Variants in INPP4B observed in about 807,000 individuals in gnomAD.
INPP4B encodes inositol polyphosphate 4-phosphatase type II.
Under a neutral mutation model 122.5 loss-of-function variants are expected in INPP4B, and 55 were observed. That is an observed-to-expected ratio of 0.45 (90% CI 0.36 to 0.56). The LOEUF is 0.56. Ranked by LOEUF, INPP4B falls within the 20% of genes least tolerant of loss-of-function variation. The pLI is 0.00. For missense variants in INPP4B, 1,000 were observed against 1,097.7 expected, an observed-to-expected ratio of 0.91 and a Z score of 1.26; for synonymous variants, 403 against 388.7, an observed-to-expected ratio of 1.04 and a Z score of -0.43.
chr4:142,429,243 ATTT>A, intron 4 of INPP4B, 26 bp from the exon 5 acceptor site: 1 of 1,368,180 alleles, frequency 7.3e-7, no homozygotes, highest in Non-Finnish European at 1.0e-6. Context: ...GCAAATTCAG[ATTT>A]TTAAAAAATT....
At chr4:142,771,819 A>AT (rs1197904334) in intron 1 of INPP4B, among the ~76,000 whole-genome samples, 2 of 152,010 alleles carry the variant, frequency 1.3e-5, no homozygotes, top group South Asian at 2.1e-4. Flanking sequence ...TTTTAATGTA[A>AT]TTTTTTTTCA....
chr4:142,797,763 T>C (rs1379114644), intron 1 of INPP4B, among the ~76,000 whole-genome samples: 1 of 151,918 alleles, frequency 6.6e-6, no homozygotes, highest in Non-Finnish European at 1.5e-5. Context: ...TAAGAATTTA[T>C]TGGAAAAAGA....
chr4:142,320,897 A>G lies in INPP4B; in HGVS notation c.373-6135T>C, dbSNP rs148798819. On this transcript the variant is annotated intron_variant, in intron 7 of 25. Transcript: ENST00000262992. ...TGATGGGCATTTGGGCTGGTTCTAT[A>G]TTTTTGCAATTATGAATTCTGCATT... is the stretch of plus-strand genomic sequence containing the variant. Among the ~76,000 whole-genome samples, 1,380 of 152,188 alleles carry G rather than the reference A, an allele frequency of 9.1e-3. 23 individuals are homozygous for G. Among genetic ancestry groups the G allele is most frequent in the African/African-American group, 0.031 (1,306 of 41,528 alleles).
intron 1 of INPP4B, among the ~76,000 whole-genome samples, chr4:142,771,793 G>A (rs1773114476): frequency 6.6e-6 from 1 of 152,056 alleles, no homozygotes; most frequent in East Asian, 1.9e-4. Context: ...TATTCTGCAA[G>A]GATTACTGAG....
chr4:142,388,682 A>C (rs1796720657), intron 7 of INPP4B, among the ~76,000 whole-genome samples: 1 of 152,158 alleles, frequency 6.6e-6, no homozygotes, highest in Non-Finnish European at 1.5e-5. Context: ...AGAGAGCTTT[A>C]ATTTAGTGTA....
At chr4:142,113,748 T>C (rs114779563) in intron 21 of INPP4B, among the ~76,000 whole-genome samples, 1,647 of 152,138 alleles carry the variant, frequency 0.011, 26 homozygotes, top group African/African-American at 0.037. Context: ...AATGAGTCAG[T>C]TCATGCTTTA....
chr4:142,528,273 C>T (rs746101988), intron 2 of INPP4B, among the ~76,000 whole-genome samples: 4 of 152,044 alleles, frequency 2.6e-5, no homozygotes, highest in Non-Finnish European at 5.9e-5. Context: ...GGAATTCATA[C>T]ACTTCTTATC....
intron 2 of INPP4B, among the ~76,000 whole-genome samples, chr4:142,575,138 G>GT (rs1475430538): frequency 6.6e-6 from 1 of 151,856 alleles, no homozygotes; most frequent in Non-Finnish European, 1.5e-5. Flanking sequence ...CTTAGGAAAT[G>GT]TTAACCACGT....
At chr4:142,324,634 G>A (rs1204292052) in intron 7 of INPP4B, among the ~76,000 whole-genome samples, 1 of 151,936 alleles carries the variant, frequency 6.6e-6, no homozygotes, top group African/African-American at 2.4e-5. Flanking sequence ...CTAGCCACAG[G>A]GAGACTCTGT....
intron 15 of INPP4B, among the ~76,000 whole-genome samples, chr4:142,187,011 C>T (rs909908096): frequency 6.6e-5 from 10 of 152,054 alleles, no homozygotes; most frequent in Middle Eastern, 3.4e-3. Context: ...GCAGTTTTGG[C>T]AGACCTAGCC....
chr4:142,396,350 A>G (rs1486108936), intron 7 of INPP4B, among the ~76,000 whole-genome samples: 1 of 152,124 alleles, frequency 6.6e-6, no homozygotes, highest in Non-Finnish European at 1.5e-5. Context: ...ATGGCCAGTA[A>G]GCACAGGAAA....
intron 25 of INPP4B, among the ~76,000 whole-genome samples, chr4:142,051,823 C>A (rs961810303): frequency 2.0e-5 from 3 of 151,942 alleles, no homozygotes; most frequent in Non-Finnish European, 4.4e-5. Context: ...TGTGTGCATA[C>A]ATTTAGATAT....
intron 18 of INPP4B, among the ~76,000 whole-genome samples, chr4:142,143,713 G>A (rs1809078107): frequency 6.6e-6 from 1 of 151,928 alleles, no homozygotes; most frequent in Non-Finnish European, 1.5e-5. Flanking sequence ...TCTAACTTAT[G>A]GGGAAATAAA....
At chr4:142,753,518 A>G (rs2150955194) in intron 1 of INPP4B, among the ~76,000 whole-genome samples, 1 of 152,136 alleles carries the variant, frequency 6.6e-6, no homozygotes, top group South Asian at 2.1e-4. Context: ...GAATCTCTCA[A>G]AACAAATGTG....
chr4:142,342,812 G>A lies in INPP4B; in HGVS notation c.373-28050C>T, dbSNP rs1413894514. Among the ~76,000 whole-genome samples, 3 of 152,164 alleles carry A rather than the reference G, an allele frequency of 2.0e-5. No homozygotes were observed. In the East Asian group the frequency reaches 5.8e-4, roughly 29 times the overall value. On this transcript the variant is annotated intron_variant, in intron 7 of 25. Coordinates refer to ENST00000262992, the MANE Select transcript of INPP4B (RefSeq NM_001101669.3). ...TTACTGCCTTAATCTCTGAAACGGA[G>A]CTTTATTTATTACTCTCATTTTGAT...
At chr4:142,813,162 G>C (rs1005701348) in intron 1 of INPP4B, among the ~76,000 whole-genome samples, 2 of 152,174 alleles carry the variant, frequency 1.3e-5, no homozygotes, top group Admixed American at 1.3e-4. Context: ...TACATGTACT[G>C]TTGATATCCC....
At chr4:142,425,273 G>A (rs1157958795) in intron 5 of INPP4B, 1 of 152,022 alleles carries the variant, frequency 6.6e-6, no homozygotes, top group African/African-American at 2.4e-5. Context: ...GCTTAGGTAA[G>A]GGTGAAAGTG....
intron 2 of INPP4B, among the ~76,000 whole-genome samples, chr4:142,711,918 C>T (rs1356188208): frequency 1.3e-5 from 2 of 152,110 alleles, no homozygotes; most frequent in Admixed American, 6.6e-5. Flanking sequence ...CATGGTGGTA[C>T]ATGACTGTAG....
At chr4:142,813,665 T>C (rs1375785454) in intron 1 of INPP4B, among the ~76,000 whole-genome samples, 1 of 152,120 alleles carries the variant, frequency 6.6e-6, no homozygotes, top group Non-Finnish European at 1.5e-5. Flanking sequence ...TCTGAGCTAA[T>C]AAAAAGTTTC....
Sources: gnomAD v4.1 joint callset for allele counts (sites outside exome capture counted in the v4.1 genomes callset) on GRCh38, gnomAD v4.1.1 for gene constraint, MANE v1.5 for transcripts, NCBI Gene and HGNC (gene_info 2026-07-23, HGNC 2026-07-21) for gene names.